SOX6: variants seen among roughly 807,000 people sequenced by gnomAD.
SOX6 encodes SRY-box transcription factor 6, also known as transcription factor SOX-6.
A neutral mutation model predicts 97.8 loss-of-function variants in SOX6; 11 were observed. The ratio of observed to expected loss-of-function variants is 0.11; its 90% CI spans 0.07 to 0.19. The LOEUF is 0.19. SOX6 is among the 10% of genes least tolerant of loss of function. The pLI is 1.00. For missense variants in SOX6, 810 were observed against 1,039.5 expected (o/e 0.78, Z 3.04); for synonymous variants, 360 against 371.4 (o/e 0.97, Z 0.35).
chr11:16,140,144 C>T (rs180957650), intron 6 of SOX6, among the ~76,000 whole-genome samples: 1 of 152,132 alleles, frequency 6.6e-6, no homozygotes, highest in African/African-American at 2.4e-5. Flanking sequence ...GAGCCACTTC[C>T]CCACTTGACA....
rs151214440 is a variant in SOX6, at chr11:16,719,022, T to G, written n.354-4117A>C. ...AGAGAGAGACAGAGAAATCCAAAGG[T>G]ATACACTTATATTTAACTACTCATA... On this transcript the variant is annotated intron_variant and non_coding_transcript_variant, in intron 2 of 5. Coordinates refer to the SOX6 transcript ENST00000524520. 1.5e-3 allele frequency among the ~76,000 whole-genome samples: 221 copies of G among 147,890 alleles called. 1 individual carries two copies. Among genetic ancestry groups the G allele is most frequent in the African/African-American group, 4.9e-3 (198 of 40,390 alleles).
chr11:15,989,937 A>G (rs11023819), intron 13 of SOX6, among the ~76,000 whole-genome samples: 50,127 of 151,978 alleles, frequency 0.33, 9,055 homozygotes, highest in Non-Finnish European at 0.41. Flanking sequence ...AGCACCAGAT[A>G]GAATGGTCAG....
chr11:16,615,102 T>C (rs1848455851), intron 3 of SOX6, among the ~76,000 whole-genome samples: 1 of 152,184 alleles, frequency 6.6e-6, no homozygotes. Flanking sequence ...ATTGGATAGC[T>C]CTTCCATTTA....
At chr11:16,250,131 G>A (rs900542857) in intron 3 of SOX6, among the ~76,000 whole-genome samples, 1 of 152,142 alleles carries the variant, frequency 6.6e-6, no homozygotes, top group African/African-American at 2.4e-5. Context: ...CCTGAGCTCT[G>A]CCTCCTGTGA....
At chr11:16,570,927 G>A (rs1847931720) in intron 4 of SOX6, among the ~76,000 whole-genome samples, 1 of 152,034 alleles carries the variant, frequency 6.6e-6, no homozygotes, top group Admixed American at 6.6e-5. Context: ...TATTTTTACA[G>A]GATTATTGCT....
intron 1 of SOX6, among the ~76,000 whole-genome samples, chr11:16,371,928 CTTT>C (rs1857503092): frequency 6.6e-6 from 1 of 152,028 alleles, no homozygotes; most frequent in Non-Finnish European, 1.5e-5. Flanking sequence ...ATTTAAAGAA[CTTT>C]AGCACAATGG....
At chr11:16,654,297 T>A (rs2134015537) in intron 3 of SOX6, among the ~76,000 whole-genome samples, 1 of 152,296 alleles carries the variant, frequency 6.6e-6, no homozygotes, top group East Asian at 1.9e-4. Context: ...GCCTCCCAAG[T>A]AGCTAGGACT....
At chr11:16,682,925 G>A (rs1261507321) in intron 3 of SOX6, among the ~76,000 whole-genome samples, 1 of 152,186 alleles carries the variant, frequency 6.6e-6, no homozygotes, top group Non-Finnish European at 1.5e-5. Context: ...AAAATCACAA[G>A]CATTCCTATA....
At chr11:16,318,741 A>G in intron 2 of SOX6, 88 bp from the exon 3 acceptor site, 1 of 992,134 alleles carries the variant, frequency 1.0e-6, no homozygotes, top group East Asian at 2.6e-5. Context: ...AGGACAGTAT[A>G]TGATGCTTAG....
chr11:16,330,325 G>A (rs1227410744), intron 2 of SOX6, among the ~76,000 whole-genome samples: 1 of 152,088 alleles, frequency 6.6e-6, no homozygotes, highest in African/African-American at 2.4e-5. Context: ...AGGCCGAGGC[G>A]GGCAAATCAG....
At chr11:16,133,760 C>T (rs1288908131) in intron 6 of SOX6, among the ~76,000 whole-genome samples, 1 of 152,156 alleles carries the variant, frequency 6.6e-6, no homozygotes, top group Non-Finnish European at 1.5e-5. Context: ...GTGATCTTGG[C>T]TCATTGCAAC....
At chr11:16,322,765 G>T (rs1855965878) in intron 2 of SOX6, among the ~76,000 whole-genome samples, 1 of 152,118 alleles carries the variant, frequency 6.6e-6, no homozygotes. Flanking sequence ...CCGATGCACA[G>T]GTCCTGATCC....
intron 3 of SOX6, among the ~76,000 whole-genome samples, chr11:16,666,679 C>A (rs529664731): frequency 6.6e-6 from 1 of 152,260 alleles, no homozygotes; most frequent in East Asian, 1.9e-4. Flanking sequence ...TGCCTATAAT[C>A]CCAGCTATTC....
intron 1 of SOX6, among the ~76,000 whole-genome samples, chr11:16,381,808 A>G (rs1857830679): frequency 6.6e-6 from 1 of 151,944 alleles, no homozygotes; most frequent in Non-Finnish European, 1.5e-5. Context: ...ACATACACAC[A>G]CATACACACA....
intron 1 of SOX6, among the ~76,000 whole-genome samples, chr11:16,410,914 A>G (rs76429465): frequency 0.045 from 6,828 of 151,750 alleles, 490 homozygotes; most frequent in African/African-American, 0.15. Flanking sequence ...AAATAATAAT[A>G]AGGGTGCATA....
At chr11:16,119,390 G>A (rs918076193) in intron 6 of SOX6, among the ~76,000 whole-genome samples, 10 of 152,042 alleles carry the variant, frequency 6.6e-5, no homozygotes, top group East Asian at 3.9e-4. Flanking sequence ...ACTCTGCTTC[G>A]CCCTTCCTTA....
chr11:15,983,079 T>C (rs912400278), intron 15 of SOX6, among the ~76,000 whole-genome samples: 1 of 152,082 alleles, frequency 6.6e-6, no homozygotes, highest in Non-Finnish European at 1.5e-5. Flanking sequence ...GCATTATTTC[T>C]GTACACATGA....
chr11:16,383,612 T>G (rs529764107), intron 1 of SOX6, among the ~76,000 whole-genome samples: 2 of 151,990 alleles, frequency 1.3e-5, no homozygotes, highest in African/African-American at 4.8e-5. Flanking sequence ...GCCTAGCATA[T>G]ACTAAGTGCT....
chr11:16,526,986 C>T (rs532706871), intron 4 of SOX6, among the ~76,000 whole-genome samples: 11 of 152,070 alleles, frequency 7.2e-5, no homozygotes, highest in Non-Finnish European at 1.5e-4. Flanking sequence ...TAGATAGAAA[C>T]ACTTTTTAAA....
Sources: gnomAD v4.1 joint callset for allele counts (sites outside exome capture counted in the v4.1 genomes callset) on GRCh38, gnomAD v4.1.1 for gene constraint, MANE v1.5 for transcripts, NCBI Gene and HGNC (gene_info 2026-07-23, HGNC 2026-07-21) for gene names.